The following KIAA0319 variants were observed in gnomAD, a reference collection of about 807,000 sequenced individuals.
KIAA0319 encodes the protein KIAA0319.
In KIAA0319, 83 loss-of-function variants were observed where a neutral mutation model predicts 108.4. The ratio of observed to expected loss-of-function variants is 0.77; its 90% CI spans 0.64 to 0.92. The LOEUF (loss-of-function observed/expected upper bound fraction) is 0.92. KIAA0319 is among the 40% of genes least tolerant of loss of function. The pLI, the probability that KIAA0319 is intolerant of heterozygous loss-of-function variation, is 0.00. For missense variants in KIAA0319, 1,195 were observed against 1,322.4 expected (o/e 0.90, Z 1.49); for synonymous variants, 484 against 510.4 (o/e 0.95, Z 0.70).
intron 17 of KIAA0319, among the ~76,000 whole-genome samples, chr6:24,558,303 TA>T (rs1300196115): frequency 5.3e-5 from 8 of 151,918 alleles, no homozygotes; most frequent in African/African-American, 1.9e-4. Flanking sequence ...AAGGAGTTAT[TA>T]AAAATTAAGT....
chr6:24,575,491 G>A (rs1222655327), intron 10 of KIAA0319, among the ~76,000 whole-genome samples: 1 of 152,006 alleles, frequency 6.6e-6, no homozygotes, highest in African/African-American at 2.4e-5. Flanking sequence ...CAACCCTTAG[G>A]TAGAGATGGA....
chr6:24,641,389 T>C (rs1311396964), intron 1 of KIAA0319, among the ~76,000 whole-genome samples: 2 of 152,166 alleles, frequency 1.3e-5, no homozygotes, highest in Non-Finnish European at 1.5e-5. Flanking sequence ...TAGAAGGAGA[T>C]TAAAGGATAC....
chr6:24,551,380 A>C, intron 20 of KIAA0319, 54 bp downstream of exon 20: 6 of 1,219,040 alleles, frequency 4.9e-6, no homozygotes, highest in Non-Finnish European at 7.3e-6. Flanking sequence ...CCTCAGGCCT[A>C]CCTAGGTTAA....
At chr6:24,580,894 C>T (rs1406460277) in intron 7 of KIAA0319, 32 bp downstream of exon 7, 1 of 1,412,368 alleles carries the variant, frequency 7.1e-7, no homozygotes, top group East Asian at 2.3e-5. Flanking sequence ...TAAATATGTA[C>T]AACAGGAGGT....
In KIAA0319 at chr6:24,570,002, G is replaced by A; in HGVS notation, c.1892C>T (p.Pro631Leu). Residue 631 changes from proline (P) to leucine (L), a missense_variant, in exon 12 of 21, where the codon CCT becomes CTT. By Grantham distance (98) the Pro-to-Leu change is moderately conservative. Coordinates refer to ENST00000378214, the MANE Select transcript of KIAA0319 (RefSeq NM_014809.4). ...CACTGGGAAGATCAGCTCTTTATCAGGGCCGGCCACAGCCACTGGAGGTCT... is the reference window on the plus strand; with the variant it reads ...CACTGGGAAGATCAGCTCTTTATCAAGGCCGGCCACAGCCACTGGAGGTCT... Reference protein sequence around the residue: ...NNRPPVAVAGPDKELIFPVES... With the variant: ...NNRPPVAVAGLDKELIFPVES... 1 of 1,614,042 alleles carries A rather than the reference G, an allele frequency of 6.2e-7. No individual in the cohort carries two copies. The highest frequency in any genetic ancestry group is 8.5e-7 in the Non-Finnish European group (1 of 1,179,948).
chr6:24,578,068 T>A (rs199864772), intron 9 of KIAA0319, 42 bp downstream of exon 9: 1 of 1,547,180 alleles, frequency 6.5e-7, no homozygotes, highest in Non-Finnish European at 8.7e-7. Context: ...ACAGTCAAAA[T>A]GTAAGTAGCA....
intron 20 of KIAA0319, among the ~76,000 whole-genome samples, chr6:24,548,771 A>G (rs1284980437): frequency 6.6e-6 from 1 of 152,238 alleles, no homozygotes; most frequent in Non-Finnish European, 1.5e-5. Context: ...CTCACAGAAA[A>G]GCACATGAAT....
intron 3 of KIAA0319, among the ~76,000 whole-genome samples, chr6:24,591,478 G>C (rs76408902): frequency 0.022 from 3,351 of 152,222 alleles, 124 homozygotes; most frequent in African/African-American, 0.076. Flanking sequence ...GCTGGGCACT[G>C]TGGTCCCAGC....
intron 1 of KIAA0319, among the ~76,000 whole-genome samples, chr6:24,609,280 A>C (rs1370829406): frequency 3.3e-5 from 5 of 150,140 alleles, no homozygotes; most frequent in Admixed American, 2.0e-4. Context: ...AAACAAAAAA[A>C]AAAAAAAAAG....
In KIAA0319 at chr6:24,583,249, C is replaced by T. The variant is rs76711490; in HGVS notation, c.1093+355G>A. 940 of 1,006,408 alleles carry T rather than the reference C, an allele frequency of 9.3e-4. 8 individuals are homozygous for T. In the African/African-American group the frequency reaches 0.015, roughly 16 times the overall value. 62.3% of individuals were successfully genotyped at this position (1,006,408 alleles called of 1,614,324 possible). A position where few individuals can be genotyped will look rare whatever the true frequency, so the allele number is the denominator to read the frequency against. ...ATCTGCAAACAAACCTATGGGTGCA[C>T]GCCACTTCCCTCTCATCCCGGTGGA... On this transcript the variant is annotated intron_variant, in intron 5 of 20. Transcript: ENST00000378214.
At position 24,596,117 on chromosome 6, in the gene KIAA0319, C is replaced by T; in HGVS notation, c.557G>A (p.Gly186Asp). The change falls in exon 3 of 21, where the codon GGC (glycine) becomes GAC (aspartate). Residue 186 changes from glycine to aspartate, a missense_variant. Coordinates refer to ENST00000378214, the MANE Select transcript of KIAA0319 (RefSeq NM_014809.4). Reference sequence around the variant, plus strand: ...GGCCCCCTCGCTGCCCGGCAGTAGGCCCCAGTCCGTGTACTCGGCACTCCC... The same window carrying T: ...GGCCCCCTCGCTGCCCGGCAGTAGGTCCCAGTCCGTGTACTCGGCACTCCC... ...PRGSAEYTDW[G>D]LLPGSEGAFN... is the part of the protein sequence containing the mutation. The T allele has an allele frequency of 6.2e-7, 1 of 1,613,948 alleles. No individual in the cohort carries two copies. Among genetic ancestry groups the T allele is most frequent in the Non-Finnish European group, 8.5e-7 (1 of 1,179,948 alleles).
Position 24,594,646 on chromosome 6 carries a change from A to AC in KIAA0319, c.801+1226_801+1227insG, listed in dbSNP as rs879394923. Among the ~76,000 whole-genome samples the AC allele has an allele frequency of 4.5e-3, 677 of 151,566 alleles. 2 individuals carry two copies. The highest frequency in any genetic ancestry group is 5.6e-3 in the Non-Finnish European group (381 of 67,790). ...TGTCTCACAAAAAAAAAACAACAAA[A>AC]AAAAAAAACACTTAAAAATGACTTC... On this transcript the variant is annotated intron_variant, in intron 3 of 20. Transcript: ENST00000378214.
intron 1 of KIAA0319, among the ~76,000 whole-genome samples, chr6:24,639,676 C>A (rs907237244): frequency 6.6e-6 from 1 of 151,964 alleles, no homozygotes; most frequent in African/African-American, 2.4e-5. Flanking sequence ...AGTGAAACCC[C>A]ATTTCTACTA....
At chr6:24,636,733 A>G (rs1776247595) in intron 1 of KIAA0319, among the ~76,000 whole-genome samples, 1 of 152,218 alleles carries the variant, frequency 6.6e-6, no homozygotes, top group Non-Finnish European at 1.5e-5. Context: ...GATCATCCAC[A>G]TCAATCTGCA....
chr6:24,576,470 G>C lies in KIAA0319; in HGVS notation c.1632C>G (p.Asn544Lys). 2 of 1,614,182 alleles carry C rather than the reference G, an allele frequency of 1.2e-6. No homozygotes were observed. Among genetic ancestry groups the C allele is most frequent in the Non-Finnish European group, 1.7e-6 (2 of 1,180,024 alleles). The change falls in exon 10 of 21, where the codon AAC (asparagine) becomes AAG (lysine). Residue 544 changes from asparagine to lysine, a missense_variant. Transcript: ENST00000378214. ...TCTGGTTTCCATTCAAAGTGATGGAGTTTTGGGGCAAAGTTATGGTGTGAT... is the reference window on the plus strand; with the variant it reads ...TCTGGTTTCCATTCAAAGTGATGGACTTTTGGGGCAAAGTTATGGTGTGAT... ...GPNHTITLPQ[N>K]SITLNGNQSS...
At chr6:24,580,841 T>C in intron 7 of KIAA0319, 85 bp downstream of exon 7, 4 of 800,934 alleles carry the variant, frequency 5.0e-6, no homozygotes, top group Non-Finnish European at 8.6e-6. Flanking sequence ...TCTAGGTAGA[T>C]AGGTAGACAG....
chr6:24,601,566 A>G (rs539775430), intron 1 of KIAA0319, among the ~76,000 whole-genome samples: 39 of 152,342 alleles, frequency 2.6e-4, no homozygotes, highest in South Asian at 2.1e-4. Flanking sequence ...AAAACTTTAT[A>G]GCAGAAAAAG....
chr6:24,641,890 G>A (rs571950012), intron 1 of KIAA0319, among the ~76,000 whole-genome samples: 1 of 151,828 alleles, frequency 6.6e-6, no homozygotes, highest in Non-Finnish European at 1.5e-5. Flanking sequence ...CAATTAGTTG[G>A]GCTTGGTGGT....
At chr6:24,626,161 T>A (rs184270916) in intron 1 of KIAA0319, among the ~76,000 whole-genome samples, 15 of 152,324 alleles carry the variant, frequency 9.8e-5, no homozygotes, top group African/African-American at 3.4e-4. Flanking sequence ...AGAGATAGAA[T>A]GCAAATCAGT....
Sources: gnomAD v4.1 joint callset for allele counts (sites outside exome capture counted in the v4.1 genomes callset) on GRCh38, gnomAD v4.1.1 for gene constraint, MANE v1.5 for transcripts, NCBI Gene and HGNC (gene_info 2026-07-23, HGNC 2026-07-21) for gene names.